The following SLIT3 variants were observed in gnomAD, a reference collection of about 807,000 sequenced individuals.
The protein encoded by SLIT3 is slit homolog 3 protein.
In SLIT3, 68 loss-of-function variants were observed where a neutral mutation model predicts 184.0. The ratio of observed to expected loss-of-function variants is 0.37; its 90% confidence interval spans 0.30 to 0.45. The LOEUF is 0.45. Among genes scored for constraint, SLIT3 ranks in the 20% least tolerant of loss-of-function variants. The probability of loss-of-function intolerance (pLI) is 1.00; values close to 1 mark genes in which losing one functional copy is unlikely to be tolerated. For synonymous variants in SLIT3, 831 were observed against 828.6 expected (o/e 1.00, Z -0.05); for missense variants, 1,707 against 2,026.0 (o/e 0.84, Z 3.02).
intron 3 of SLIT3, among the ~76,000 whole-genome samples, chr5:169,198,589 G>C (rs578048944): frequency 4.6e-5 from 7 of 152,258 alleles, no homozygotes; most frequent in East Asian, 1.9e-4. Context: ...TAGTAAGAGG[G>C]AGCCAGAGAA....
chr5:169,291,319 C>G (rs1767356637), intron 1 of SLIT3, among the ~76,000 whole-genome samples: 1 of 152,130 alleles, frequency 6.6e-6, no homozygotes, highest in African/African-American at 2.4e-5. Flanking sequence ...CAGCAAGGTT[C>G]ATCAGAACTA....
intron 3 of SLIT3, among the ~76,000 whole-genome samples, chr5:169,226,501 G>A (rs182516764): frequency 4.3e-4 from 65 of 152,218 alleles, no homozygotes; most frequent in Admixed American, 1.3e-3. Flanking sequence ...CTGATCTTCG[G>A]GACTAAAAAC....
chr5:168,771,268 C>G (rs766431164), intron 14 of SLIT3, among the ~76,000 whole-genome samples: 55 of 152,114 alleles, frequency 3.6e-4, no homozygotes, highest in Non-Finnish European at 5.6e-4. Context: ...TTGCCAGGCC[C>G]AGGAAGGAAC....
chr5:168,828,419 C>G (rs1363036067), intron 6 of SLIT3, among the ~76,000 whole-genome samples: 2 of 151,964 alleles, frequency 1.3e-5, no homozygotes, highest in African/African-American at 4.8e-5. Flanking sequence ...CTGCTTGAGC[C>G]TAGGAGTTTG....
chr5:168,825,241 T>C (rs1757660313), intron 6 of SLIT3, among the ~76,000 whole-genome samples: 1 of 152,082 alleles, frequency 6.6e-6, no homozygotes, highest in Non-Finnish European at 1.5e-5. Context: ...CCAACCCCCA[T>C]GGAAATAGAG....
intron 4 of SLIT3, among the ~76,000 whole-genome samples, chr5:169,152,812 G>T (rs1295523232): frequency 6.6e-6 from 1 of 152,164 alleles, no homozygotes; most frequent in East Asian, 1.9e-4. Context: ...GACTCAGAGT[G>T]TGAGGGGCTG....
chr5:168,707,900 T>A, intron 26 of SLIT3, 76 bp downstream of exon 26: 1 of 1,577,004 alleles, frequency 6.3e-7, no homozygotes, highest in Non-Finnish European at 8.7e-7. Context: ...ACGCAGGGCA[T>A]GGTGCCCCTC....
chr5:168,817,199 C>T, intron 8 of SLIT3, 101 bp downstream of exon 8: 1 of 1,110,238 alleles, frequency 9.0e-7, no homozygotes, highest in Admixed American at 1.9e-5. Context: ...CCACACCAAG[C>T]TCTGGGCTAG....
intron 4 of SLIT3, among the ~76,000 whole-genome samples, chr5:169,125,782 T>C (rs1581434757): frequency 6.6e-6 from 1 of 152,206 alleles, no homozygotes. Flanking sequence ...ATCTAATTCC[T>C]GCCAACGAAC....
intron 4 of SLIT3, among the ~76,000 whole-genome samples, chr5:169,077,774 G>A (rs1172068467): frequency 6.7e-6 from 1 of 149,172 alleles, no homozygotes; most frequent in Non-Finnish European, 1.5e-5. Flanking sequence ...GTTATCACTT[G>A]ATGGGCTTAT....
intron 4 of SLIT3, among the ~76,000 whole-genome samples, chr5:169,140,974 C>T (rs1761714183): frequency 6.6e-6 from 1 of 152,194 alleles, no homozygotes; most frequent in Non-Finnish European, 1.5e-5. Context: ...TCTTCATGCC[C>T]TATGCAAACT....
At chr5:168,859,157 C>T (rs1470763445) in intron 5 of SLIT3, among the ~76,000 whole-genome samples, 6 of 152,084 alleles carry the variant, frequency 3.9e-5, no homozygotes, top group Non-Finnish European at 7.3e-5. Context: ...GTCAGCACTG[C>T]GGCAGAAGCA....
At chr5:169,076,724 T>A (rs2113141861) in intron 4 of SLIT3, among the ~76,000 whole-genome samples, 1 of 152,276 alleles carries the variant, frequency 6.6e-6, no homozygotes, top group South Asian at 2.1e-4. Context: ...GGTTGTAGGA[T>A]GTGGGTGAAT....
intron 1 of SLIT3, among the ~76,000 whole-genome samples, chr5:169,293,995 C>T (rs769125485): frequency 2.6e-5 from 4 of 152,168 alleles, no homozygotes; most frequent in African/African-American, 7.2e-5. Flanking sequence ...ACGGAGAGCA[C>T]GGGGAGCTCA....
rs1174644107 is a variant in SLIT3 at position 168,666,074 on chromosome 5, C to CAG, written c.*378_*379dup. ...ACATGAAAACATCTTCCTCCTTCCT[C>CAG]AGACAGGCTATCATTCTTTATTCTT... On this transcript the variant is annotated 3_prime_UTR_variant, in exon 36 of 36. Coordinates refer to ENST00000519560, the MANE Select transcript of SLIT3 (RefSeq NM_003062.4). 1.3e-5 allele frequency: 2 copies of CAG among 158,034 alleles called. No individual in the cohort carries two copies. Among genetic ancestry groups the CAG allele is most frequent in the African/African-American group, 4.8e-5 (2 of 41,684 alleles). 9.8% of individuals were successfully genotyped at this position (158,034 alleles called of 1,614,324 possible). A position where few individuals can be genotyped will look rare whatever the true frequency, so the allele number is the denominator to read the frequency against.
intron 12 of SLIT3, among the ~76,000 whole-genome samples, chr5:168,774,995 C>A (rs1031484342): frequency 2.0e-5 from 3 of 151,984 alleles, no homozygotes; most frequent in African/African-American, 7.3e-5. Flanking sequence ...CTCATCCTAA[C>A]CCCACTCACC....
chr5:168,896,507 A>G (rs1461527149), intron 4 of SLIT3, among the ~76,000 whole-genome samples: 1 of 152,180 alleles, frequency 6.6e-6, no homozygotes, highest in Non-Finnish European at 1.5e-5. Context: ...CTAAGACTGT[A>G]AAGCAGCAAC....
intron 4 of SLIT3, among the ~76,000 whole-genome samples, chr5:169,015,609 C>T (rs963090977): frequency 3.9e-5 from 6 of 152,122 alleles, no homozygotes; most frequent in African/African-American, 1.2e-4. Context: ...AGGATCTCCC[C>T]GGTTTCAAAC....
chr5:169,187,400 C>T (rs1051427317), intron 4 of SLIT3, among the ~76,000 whole-genome samples: 9 of 152,020 alleles, frequency 5.9e-5, no homozygotes, highest in Admixed American at 2.0e-4. Context: ...TGTGAGCCAC[C>T]GCGGCCGGCA....
Sources: gnomAD v4.1 joint callset for allele counts (sites outside exome capture counted in the v4.1 genomes callset) on GRCh38, gnomAD v4.1.1 for gene constraint, MANE v1.5 for transcripts, NCBI Gene and HGNC (gene_info 2026-07-23, HGNC 2026-07-21) for gene names.